ADGRL2: variants seen among roughly 807,000 people sequenced by gnomAD.
ADGRL2 encodes the protein adhesion G protein-coupled receptor L2.
A neutral mutation model predicts 157.4 loss-of-function variants in ADGRL2; 44 were observed. The observed-to-expected ratio is 0.28, with a 90% CI of 0.22 to 0.36. The LOEUF is 0.36. ADGRL2 is among the 10% of genes least tolerant of loss of function. The pLI is 1.00. For missense variants in ADGRL2, 1,510 were observed against 1,768.9 expected (o/e 0.85, Z 2.63); for synonymous variants, 585 against 624.7 (o/e 0.94, Z 0.95).
At chr1:81,418,212 T>C (rs1375669784) in intron 1 of ADGRL2, among the ~76,000 whole-genome samples, 2 of 152,232 alleles carry the variant, frequency 1.3e-5, no homozygotes, top group Non-Finnish European at 2.9e-5. Context: ...GAATAGATGT[T>C]TATTTTTAAA....
chr1:81,963,984 C>A (rs114094083), intron 11 of ADGRL2, among the ~76,000 whole-genome samples: 3,188 of 151,150 alleles, frequency 0.021, 107 homozygotes, highest in African/African-American at 0.071. Context: ...AGGAAAGTTT[C>A]TATTGTCTTT....
At chr1:81,805,730 TAAA>T (rs5775635) in intron 1 of ADGRL2, among the ~76,000 whole-genome samples, 3 of 137,510 alleles carry the variant, frequency 2.2e-5, no homozygotes, top group Non-Finnish European at 1.6e-5. Flanking sequence ...CTTTAGTGGT[TAAA>T]AAAAAAAAAA....
chr1:81,541,757 C>T (rs2079888787), intron 2 of ADGRL2, among the ~76,000 whole-genome samples: 1 of 150,622 alleles, frequency 6.6e-6, no homozygotes, highest in Admixed American at 6.6e-5. Context: ...GGAGAACAGC[C>T]TGACCAACAT....
At position 81,640,762 on chromosome 1, in the gene ADGRL2, C is replaced by T. The variant is rs184248079; in HGVS notation, c.-143+59782C>T. Among the ~76,000 whole-genome samples the T allele has an allele frequency of 1.7e-4, 26 of 152,240 alleles. 1 individual carries two copies. The highest frequency in any genetic ancestry group is 7.9e-4 in the Admixed American group (12 of 15,280). Reference sequence around the variant, plus strand: ...AAATGAAGTCACTCATGCTAAAGTTCCACATTACCAGACCTAAACTGCTAT... The same window carrying T: ...AAATGAAGTCACTCATGCTAAAGTTTCACATTACCAGACCTAAACTGCTAT... On this transcript the variant is annotated intron_variant, in intron 3 of 24. Transcript: ENST00000370721.
chr1:81,950,128 C>T (rs577292594), intron 6 of ADGRL2, 61 bp from the exon 7 acceptor site: 1 of 1,399,212 alleles, frequency 7.1e-7, no homozygotes, highest in South Asian at 1.3e-5. Context: ...TCCATGTGTG[C>T]ATGACTGTAT....
intron 1 of ADGRL2, among the ~76,000 whole-genome samples, chr1:81,348,910 GCAA>G (rs1277067186): frequency 2.6e-5 from 4 of 152,100 alleles, no homozygotes; most frequent in African/African-American, 9.7e-5. Flanking sequence ...GTTCAGAGTA[GCAA>G]AAGCTATTAT....
chr1:81,775,805 G>A (rs1357949081), intron 2 of ADGRL2, among the ~76,000 whole-genome samples: 1 of 152,124 alleles, frequency 6.6e-6, no homozygotes, highest in African/African-American at 2.4e-5. Context: ...AAAAAGGTTG[G>A]TACAGAAACT....
chr1:81,530,010 C>A (rs2079560664), intron 2 of ADGRL2, among the ~76,000 whole-genome samples: 1 of 152,172 alleles, frequency 6.6e-6, no homozygotes. Flanking sequence ...AGGTCACTGA[C>A]AAAAAGGCAT....
chr1:81,572,224 T>C (rs1233736572), intron 2 of ADGRL2, among the ~76,000 whole-genome samples: 1 of 152,234 alleles, frequency 6.6e-6, no homozygotes, highest in Non-Finnish European at 1.5e-5. Flanking sequence ...GTTTTTACTT[T>C]GAGGCCAAGC....
At chr1:81,734,782 C>G (rs1253219815) in intron 1 of ADGRL2, among the ~76,000 whole-genome samples, 1 of 149,042 alleles carries the variant, frequency 6.7e-6, no homozygotes, top group African/African-American at 2.4e-5. Flanking sequence ...ACCTGTAATC[C>G]CAGCACTTTG....
intron 1 of ADGRL2, among the ~76,000 whole-genome samples, chr1:81,423,774 A>G (rs1403410429): frequency 1.3e-5 from 2 of 152,196 alleles, no homozygotes; most frequent in Admixed American, 6.5e-5. Context: ...TCCTTGCACC[A>G]CTAAGATGAA....
At chr1:81,337,623 C>T (rs1426809596) in intron 1 of ADGRL2, among the ~76,000 whole-genome samples, 1 of 152,186 alleles carries the variant, frequency 6.6e-6, no homozygotes, top group African/African-American at 2.4e-5. Flanking sequence ...TTCATGGTTG[C>T]TAATATATGG....
rs543316479 is a variant in ADGRL2 at position 81,316,341 on chromosome 1, A to G, written c.-302+9832A>G. On this transcript the variant is annotated intron_variant, in intron 1 of 24. Transcript: ENST00000370721. ...CCTTTTGGAATAAATGGTTTGGTGA[A>G]CAAATTCACTTGATGTTCAGGATCA... Among the ~76,000 whole-genome samples the G allele has an allele frequency of 2.0e-5, 3 of 152,324 alleles. No homozygotes were observed. In the South Asian group the frequency reaches 6.2e-4, roughly 32 times the overall value.
intron 1 of ADGRL2, among the ~76,000 whole-genome samples, chr1:81,720,169 T>C (rs1343152182): frequency 6.7e-6 from 1 of 150,052 alleles, no homozygotes; most frequent in African/African-American, 2.5e-5. Context: ...TTAAAAGCAT[T>C]CCTTTTTTTC....
chr1:81,647,458 T>C (rs1044844725), intron 3 of ADGRL2, among the ~76,000 whole-genome samples: 1 of 152,178 alleles, frequency 6.6e-6, no homozygotes, highest in Non-Finnish European at 1.5e-5. Flanking sequence ...TCATGTGCCA[T>C]GTCACGGTCA....
chr1:81,739,221 A>C (rs2084995609), intron 1 of ADGRL2, among the ~76,000 whole-genome samples: 1 of 152,218 alleles, frequency 6.6e-6, no homozygotes, highest in Non-Finnish European at 1.5e-5. Context: ...CTCTGGAGTC[A>C]AACTGCAGGG....
chr1:81,618,366 CT>C (rs2148700456), intron 3 of ADGRL2, among the ~76,000 whole-genome samples: 1 of 152,294 alleles, frequency 6.6e-6, no homozygotes, highest in South Asian at 2.1e-4. Context: ...TCAGAGGCTT[CT>C]GTCTAAACAA....
At chr1:81,877,160 A>G (rs1395611929) in intron 2 of ADGRL2, among the ~76,000 whole-genome samples, 3 of 152,126 alleles carry the variant, frequency 2.0e-5, no homozygotes, top group Non-Finnish European at 4.4e-5. Flanking sequence ...AAAATAGTAT[A>G]TATTTCTCAG....
chr1:81,908,460 A>G (rs1009142605), intron 3 of ADGRL2, among the ~76,000 whole-genome samples: 4 of 152,188 alleles, frequency 2.6e-5, no homozygotes, highest in Non-Finnish European at 5.9e-5. Context: ...AATAATATTC[A>G]TTGTCTGGAT....
Sources: allele counts gnomAD v4.1 joint callset (sites outside exome capture counted in the v4.1 genomes callset), GRCh38; gene constraint gnomAD v4.1.1; transcripts MANE v1.5; gene names NCBI Gene and HGNC (gene_info 2026-07-23, HGNC 2026-07-21).